AFF3: variants seen among roughly 807,000 people sequenced by gnomAD.
AFF3 encodes AF4/FMR2 family member 3.
Under a neutral mutation model 129.7 loss-of-function variants are expected in AFF3, and 32 were observed. The ratio of observed to expected loss-of-function variants is 0.25; its 90% CI spans 0.19 to 0.33. AFF3 has a LOEUF of 0.33. AFF3 is among the 10% of genes least tolerant of loss of function. AFF3 has a pLI of 1.00. For missense variants in AFF3, 1,373 were observed against 1,592.0 expected (o/e 0.86, Z 2.34); for synonymous variants, 644 against 635.4 (o/e 1.01, Z -0.20).
At chr2:99,626,337 CCTCT>C (rs547297661) in intron 13 of AFF3, among the ~76,000 whole-genome samples, 1 of 144,294 alleles carries the variant, frequency 6.9e-6, no homozygotes, top group Non-Finnish European at 1.5e-5. Context: ...TTCCTTCCCT[CCTCT>C]CTCTTTCCTT....
intron 13 of AFF3, among the ~76,000 whole-genome samples, chr2:99,642,217 C>A (rs1282508789): frequency 2.0e-5 from 3 of 152,122 alleles, no homozygotes; most frequent in Non-Finnish European, 4.4e-5. Context: ...TCGATAGCAT[C>A]ATATAGTTCT....
chr2:99,874,652 T>C (rs982585640), intron 7 of AFF3, among the ~76,000 whole-genome samples: 6 of 152,210 alleles, frequency 3.9e-5, no homozygotes, highest in African/African-American at 1.4e-4. Context: ...CTGAAATGTA[T>C]GATTCTGGAT....
At chr2:99,976,210 G>A (rs927967993) in intron 7 of AFF3, among the ~76,000 whole-genome samples, 3 of 152,100 alleles carry the variant, frequency 2.0e-5, no homozygotes, top group Non-Finnish European at 2.9e-5. Flanking sequence ...AAGTCACAGA[G>A]AACTGTACTT....
intron 7 of AFF3, among the ~76,000 whole-genome samples, chr2:99,940,979 C>T (rs559326551): frequency 5.2e-4 from 79 of 152,240 alleles, no homozygotes; most frequent in African/African-American, 1.9e-3. Context: ...TCCCACCTGT[C>T]TGGTGCAGCA....
In AFF3 at chr2:99,593,234, A is replaced by G; in HGVS notation, c.2427T>C (p.Pro809=). 1.2e-6 allele frequency: 2 copies of G among 1,602,840 alleles called. No individual in the cohort carries two copies. The highest frequency in any genetic ancestry group is 2.2e-5 in the South Asian group (2 of 90,494). ...SAPPSHTSDT[P]AEKALPKSKR... ...TGGATTTTGGCAAAGCCTTTTCTGC[A>G]GGTGTGTCCGAGGTGTGGCTGGGCG... Residue 809 remains proline (P), a synonymous_variant, in exon 15 of 25, where the codon CCT becomes CCC. Transcript: ENST00000672756.
intron 11 of AFF3, among the ~76,000 whole-genome samples, chr2:99,686,046 C>T (rs144623064): frequency 2.4e-4 from 37 of 152,104 alleles, no homozygotes; most frequent in African/African-American, 5.8e-4. Flanking sequence ...AAAAATTAGC[C>T]GGGCTTGGTG....
intron 13 of AFF3, among the ~76,000 whole-genome samples, chr2:99,605,347 A>G (rs1301034636): frequency 6.6e-6 from 1 of 152,218 alleles, no homozygotes; most frequent in East Asian, 1.9e-4. Flanking sequence ...TCATGTTTCA[A>G]TGGTCCCGGT....
chr2:99,644,842 C>T (rs1007455996), intron 13 of AFF3, among the ~76,000 whole-genome samples: 3 of 152,180 alleles, frequency 2.0e-5, no homozygotes, highest in Non-Finnish European at 4.4e-5. Flanking sequence ...TGGCTTCTTT[C>T]GCAGTGCAGA....
intron 16 of AFF3, among the ~76,000 whole-genome samples, chr2:99,586,250 C>T (rs961533495): frequency 2.0e-5 from 3 of 152,172 alleles, no homozygotes; most frequent in South Asian, 2.1e-4. Context: ...CAAAGAGGAC[C>T]GAGGAGTGGG....
At chr2:99,715,915 G>T (rs1048467189) in intron 11 of AFF3, among the ~76,000 whole-genome samples, 14 of 151,992 alleles carry the variant, frequency 9.2e-5, no homozygotes, top group Non-Finnish European at 1.8e-4. Context: ...CTCGTGATCC[G>T]CCTGCCTCGG....
intron 16 of AFF3, 102 bp from the exon 17 acceptor site, chr2:99,583,101 G>A (rs1677739931): frequency 1.0e-6 from 1 of 1,001,168 alleles, no homozygotes; most frequent in Non-Finnish European, 1.5e-6. Flanking sequence ...CTGTTGGTAG[G>A]AGAAGCTTAT....
At chr2:99,716,701 T>C (rs1678423672) in intron 11 of AFF3, among the ~76,000 whole-genome samples, 1 of 151,738 alleles carries the variant, frequency 6.6e-6, no homozygotes, top group South Asian at 2.1e-4. Context: ...GCCAACATGG[T>C]GAAACCCCAT....
chr2:99,723,644 G>A (rs142508656), intron 11 of AFF3, among the ~76,000 whole-genome samples: 214 of 152,216 alleles, frequency 1.4e-3, no homozygotes, highest in Middle Eastern at 6.8e-3. Context: ...AGAAATCTGT[G>A]TACCCCTGGT....
At chr2:99,673,771 G>A (rs13383982) in intron 11 of AFF3, among the ~76,000 whole-genome samples, 10,028 of 152,244 alleles carry the variant, frequency 0.066, 1,095 homozygotes, top group African/African-American at 0.23. Flanking sequence ...CTGAACATTC[G>A]TAGGAGTCAT....
chr2:99,998,635 A>G (rs1210236856), intron 7 of AFF3, among the ~76,000 whole-genome samples: 4 of 152,216 alleles, frequency 2.6e-5, no homozygotes, highest in Non-Finnish European at 5.9e-5. Flanking sequence ...AAAACATGCC[A>G]AGGCCTATAT....
At chr2:99,737,475 T>C (rs1477092382) in intron 10 of AFF3, among the ~76,000 whole-genome samples, 1 of 152,106 alleles carries the variant, frequency 6.6e-6, no homozygotes, top group Non-Finnish European at 1.5e-5. Context: ...AATCCTAAGC[T>C]GATAGTTATT....
At chr2:100,042,071 C>T (rs1056401615) in intron 4 of AFF3, among the ~76,000 whole-genome samples, 4 of 152,180 alleles carry the variant, frequency 2.6e-5, no homozygotes, top group African/African-American at 4.8e-5. Flanking sequence ...ACCTCTCCAG[C>T]CCCCGGCCCG....
In AFF3 at chr2:99,593,840, C is replaced by T. The variant is rs1410089541; in HGVS notation, c.1821G>A (p.Glu607=). ...GDGANCHRPE[E]PAAADALGTS... is the part of the protein sequence containing the mutation. ...TCCCCAGCGCGTCCGCGGCCGCGGG[C>T]TCCTCGGGCCGGTGGCAGTTGGCGC... The change falls in exon 15 of 25, where the codon GAG becomes GAA. Residue 607 remains glutamate, a synonymous_variant. Transcript: ENST00000672756. 6.3e-6 allele frequency: 10 copies of T among 1,598,892 alleles called. No homozygotes were observed. The highest frequency in any genetic ancestry group is 4.4e-5 in the South Asian group (4 of 90,344).
At chr2:99,948,296 T>C (rs1675828110) in intron 7 of AFF3, among the ~76,000 whole-genome samples, 1 of 152,146 alleles carries the variant, frequency 6.6e-6, no homozygotes, top group African/African-American at 2.4e-5. Flanking sequence ...AGTGCTCAGT[T>C]CCTGCAAAAC....
Sources: allele counts gnomAD v4.1 joint callset (sites outside exome capture counted in the v4.1 genomes callset), GRCh38; gene constraint gnomAD v4.1.1; transcripts MANE v1.5; gene names NCBI Gene and HGNC (gene_info 2026-07-23, HGNC 2026-07-21).